WDPCP: variants seen among roughly 807,000 people sequenced by gnomAD.
WDPCP encodes the protein WD repeat containing planar cell polarity effector, also known as WD repeat-containing and planar cell polarity effector protein fritz homolog.
In WDPCP, 71 loss-of-function variants were observed where a neutral mutation model predicts 93.1. That is an observed-to-expected ratio of 0.76 (90% CI 0.63 to 0.93). The LOEUF is 0.93. WDPCP is among the 40% of genes least tolerant of loss of function. The pLI is 0.00. For synonymous variants in WDPCP, 315 were observed against 315.0 expected (o/e 1.00, Z 0.00); for missense variants, 844 against 887.4 (o/e 0.95, Z 0.62).
chr2:63,477,852 A>C (rs1345806777), intron 6 of WDPCP: 1 of 152,174 alleles, frequency 6.6e-6, no homozygotes, highest in Admixed American at 6.6e-5. Flanking sequence ...AAGCAAAACA[A>C]AAGGGTAGAA....
chr2:63,311,037 A>G (rs1686146471), intron 13 of WDPCP, among the ~76,000 whole-genome samples: 1 of 152,204 alleles, frequency 6.6e-6, no homozygotes, highest in South Asian at 2.1e-4. Flanking sequence ...ATGGAATGTA[A>G]GCCCCTTTAG....
At chr2:63,609,011 C>T (rs1709585746) in intron 3 of WDPCP, among the ~76,000 whole-genome samples, 1 of 152,136 alleles carries the variant, frequency 6.6e-6, no homozygotes, top group Non-Finnish European at 1.5e-5. Flanking sequence ...CTTCTATATT[C>T]TCGTGACATT....
intron 14 of WDPCP, among the ~76,000 whole-genome samples, chr2:63,175,914 G>A (rs1193398105): frequency 6.6e-6 from 1 of 152,058 alleles, no homozygotes; most frequent in Admixed American, 6.6e-5. Flanking sequence ...ATATCTCCGA[G>A]ACCCTGCTAT....
At chr2:63,541,130 C>T (rs969197572) in intron 1 of WDPCP, among the ~76,000 whole-genome samples, 4 of 152,090 alleles carry the variant, frequency 2.6e-5, no homozygotes, top group Non-Finnish European at 4.4e-5. Flanking sequence ...TGTGTCATCA[C>T]ATCTGGCTAA....
At chr2:63,129,905 G>A (rs1187458548) in intron 17 of WDPCP, among the ~76,000 whole-genome samples, 3 of 151,904 alleles carry the variant, frequency 2.0e-5, no homozygotes, top group African/African-American at 4.8e-5. Flanking sequence ...TTGTTATACT[G>A]TATTATTTAG....
chr2:63,447,803 G>A (rs1274597451), intron 6 of WDPCP, among the ~76,000 whole-genome samples: 1 of 151,992 alleles, frequency 6.6e-6, no homozygotes, highest in East Asian at 1.9e-4. Flanking sequence ...AGAAAAATAT[G>A]TATAGAGTGA....
intron 1 of WDPCP, among the ~76,000 whole-genome samples, chr2:63,557,592 G>C (rs1706226040): frequency 6.6e-6 from 1 of 152,020 alleles, no homozygotes; most frequent in Non-Finnish European, 1.5e-5. Context: ...GTCAATATTA[G>C]ACAGAAAATT....
At chr2:63,610,706 T>C (rs1709605312) in intron 3 of WDPCP, among the ~76,000 whole-genome samples, 1 of 152,238 alleles carries the variant, frequency 6.6e-6, no homozygotes, top group Admixed American at 6.5e-5. Flanking sequence ...TGTAAATATA[T>C]GTGTGTGCAT....
intron 14 of WDPCP, among the ~76,000 whole-genome samples, chr2:63,222,913 T>G (rs976676293): frequency 6.6e-6 from 1 of 152,186 alleles, no homozygotes; most frequent in Non-Finnish European, 1.5e-5. Flanking sequence ...AAAGTAAAAT[T>G]GATCTTCTTT....
At position 63,388,747 on chromosome 2, in the gene WDPCP, T is replaced by C. The variant is rs566400726; in HGVS notation, c.1436-6653A>G. Among the ~76,000 whole-genome samples, 4 of 152,238 alleles carry C rather than the reference T, an allele frequency of 2.6e-5. No homozygotes were observed. The East Asian group carries it at 7.7e-4, about 29-fold the overall frequency. On this transcript the variant is annotated intron_variant, in intron 10 of 17. Transcript: ENST00000272321. ...AAACCATGGCACGAGAACTTTGTGATGCATGCACAAGCTTCAATAGCCGAT... is the reference window on the plus strand; with the variant it reads ...AAACCATGGCACGAGAACTTTGTGACGCATGCACAAGCTTCAATAGCCGAT...
intron 1 of WDPCP, among the ~76,000 whole-genome samples, chr2:63,570,746 T>C (rs1042199503): frequency 6.6e-6 from 1 of 152,244 alleles, no homozygotes. Context: ...TATTCATATA[T>C]TGTATTTTAT....
intron 1 of WDPCP, among the ~76,000 whole-genome samples, chr2:63,820,348 A>G (rs1461950271): frequency 6.6e-6 from 1 of 152,178 alleles, no homozygotes; most frequent in East Asian, 1.9e-4. Context: ...CCAGATTAGT[A>G]ATCTGAGAGA....
rs1709593049 is a variant in WDPCP, at chr2:63,609,533, T to A, written n.488+41126A>T. Among the ~76,000 whole-genome samples the A allele has an allele frequency of 5.9e-5, 9 of 152,178 alleles. No individual in the cohort carries two copies. The South Asian group carries it at 1.9e-3, about 32-fold the overall frequency. ...GCCAGAAAAGAAAAAAACAAATGAA[T>A]CAAACATATCTTTAGAAGAGCAATT... is the stretch of plus-strand genomic sequence containing the variant. On this transcript the variant is annotated intron_variant and non_coding_transcript_variant, in intron 3 of 4. Coordinates refer to the WDPCP transcript ENST00000467687.
chr2:63,622,476 T>C (rs1487690183), intron 3 of WDPCP: 2 of 1,613,812 alleles, frequency 1.2e-6, no homozygotes, highest in African/African-American at 2.7e-5. Flanking sequence ...GCCGCTGTTG[T>C]CAGAGTTCAC....
intron 12 of WDPCP, among the ~76,000 whole-genome samples, chr2:63,374,476 C>CT (rs1366837727): frequency 6.6e-6 from 1 of 152,040 alleles, no homozygotes; most frequent in East Asian, 1.9e-4. Flanking sequence ...CTTAGGTTAA[C>CT]TTTTTTAGTA....
intron 2 of WDPCP, among the ~76,000 whole-genome samples, chr2:63,739,968 TA>T (rs1009658062): frequency 1.3e-4 from 20 of 152,084 alleles, no homozygotes; most frequent in African/African-American, 4.1e-4. Flanking sequence ...TAATAAACAT[TA>T]ACATCACTAA....
At chr2:63,665,830 T>C (rs973278516) in intron 2 of WDPCP, among the ~76,000 whole-genome samples, 1 of 152,152 alleles carries the variant, frequency 6.6e-6, no homozygotes, top group African/African-American at 2.4e-5. Flanking sequence ...AGAAGTTTGA[T>C]GTGTCAAGAA....
At chr2:63,572,628 G>T (rs530173082) in intron 1 of WDPCP, among the ~76,000 whole-genome samples, 1 of 143,330 alleles carries the variant, frequency 7.0e-6, no homozygotes, top group African/African-American at 2.6e-5. Context: ...GCTTGAACCT[G>T]GGAGGTGGAG....
At chr2:63,307,471 G>A (rs1368545043) in intron 13 of WDPCP, among the ~76,000 whole-genome samples, 1 of 152,150 alleles carries the variant, frequency 6.6e-6, no homozygotes, top group Non-Finnish European at 1.5e-5. Context: ...GAGGCACCAT[G>A]CTACCTGACT....
Sources: allele counts gnomAD v4.1 joint callset (sites outside exome capture counted in the v4.1 genomes callset), GRCh38; gene constraint gnomAD v4.1.1; transcripts MANE v1.5; gene names NCBI Gene and HGNC (gene_info 2026-07-23, HGNC 2026-07-21).